Variants in DTD1 observed in about 807,000 individuals in gnomAD.
The protein encoded by DTD1 is D-tyrosyl-tRNA deacylase 1 homolog.
DTD1 carries 13 observed loss-of-function variants against 25.6 expected under a neutral mutation model. The observed-to-expected ratio is 0.51, with a 90% CI of 0.33 to 0.81. The LOEUF (loss-of-function observed/expected upper bound fraction) is 0.81. Among genes scored for constraint, DTD1 ranks in the 30% least tolerant of loss-of-function variants. The pLI is 0.02. For missense variants in DTD1, 193 were observed against 266.4 expected, an observed-to-expected ratio of 0.72 and a Z score of 1.92; for synonymous variants, 110 against 103.6, an observed-to-expected ratio of 1.06 and a Z score of -0.37.
rs116524489 is a variant in DTD1 at position 18,732,674 on chromosome 20, G to A, written c.478-11426G>A. 3.5e-3 allele frequency among the ~76,000 whole-genome samples: 530 copies of A among 152,346 alleles called. 2 individuals are homozygous for A. The highest frequency in any genetic ancestry group is 0.012 in the African/African-American group (498 of 41,578). ...AGTCGATACCTTGTTCCCCAGTAGG[G>A]TTAGGGAATGGACAGCAACATAATA... On this transcript the variant is annotated intron_variant, in intron 4 of 5. Transcript: ENST00000377452.
At chr20:18,608,254 CT>C (rs915557991) in intron 3 of DTD1, among the ~76,000 whole-genome samples, 10 of 147,168 alleles carry the variant, frequency 6.8e-5, no homozygotes, top group African/African-American at 1.7e-4. Context: ...TTTGTGTCCT[CT>C]TTTTTTTTTC....
chr20:18,707,773 T>A (rs1257131088), intron 4 of DTD1, among the ~76,000 whole-genome samples: 6 of 151,822 alleles, frequency 4.0e-5, no homozygotes, highest in African/African-American at 1.2e-4. Flanking sequence ...ACACACACAC[T>A]CACACACTCT....
chr20:18,736,501 G>T (rs1406061968), intron 4 of DTD1, among the ~76,000 whole-genome samples: 2 of 152,248 alleles, frequency 1.3e-5, no homozygotes, highest in Non-Finnish European at 2.9e-5. Context: ...CTTTCAAGGT[G>T]CTTCATGAGT....
chr20:18,635,839 G>A (rs138116649), intron 4 of DTD1, among the ~76,000 whole-genome samples: 1 of 152,294 alleles, frequency 6.6e-6, no homozygotes, highest in Non-Finnish European at 1.5e-5. Context: ...TTAATCAATT[G>A]ACTTTCACCT....
At chr20:18,619,320 G>T (rs1320862070) in intron 3 of DTD1, among the ~76,000 whole-genome samples, 1 of 152,172 alleles carries the variant, frequency 6.6e-6, no homozygotes, top group East Asian at 1.9e-4. Flanking sequence ...TCAATTTTTT[G>T]AAATGTCTGC....
rs943454912 is a variant in DTD1 at position 18,763,408 on chromosome 20, G to C, written c.*68G>C. 1 of 152,794 alleles carries C rather than the reference G, an allele frequency of 6.5e-6. No homozygotes were observed. Among genetic ancestry groups the C allele is most frequent in the African/African-American group, 2.4e-5 (1 of 41,578 alleles). 9.5% of individuals were successfully genotyped at this position (152,794 alleles called of 1,614,324 possible). On this transcript the variant is annotated 3_prime_UTR_variant, in exon 6 of 6. Coordinates refer to ENST00000377452, the MANE Select transcript of DTD1 (RefSeq NM_080820.6). ...GATCCTGAAAAATTCAAGATGCTAA[G>C]CACCTACACTACTTTAAGAATTTGG...
chr20:18,753,621 A>AAAAAAAAG (rs1839623312), intron 5 of DTD1, among the ~76,000 whole-genome samples: 1 of 150,950 alleles, frequency 6.6e-6, no homozygotes, highest in Non-Finnish European at 1.5e-5. Flanking sequence ...AAAAAAAAAA[A>AAAAAAAAG]AGACGTTGAT....
At chr20:18,693,384 CG>C (rs1240821643) in intron 4 of DTD1, among the ~76,000 whole-genome samples, 2 of 151,888 alleles carry the variant, frequency 1.3e-5, no homozygotes, top group Non-Finnish European at 2.9e-5. Context: ...GGGCCAGGTG[CG>C]GTGGCTCATG....
intron 4 of DTD1, among the ~76,000 whole-genome samples, chr20:18,729,775 C>T (rs1002306760): frequency 6.6e-6 from 1 of 152,230 alleles, no homozygotes; most frequent in African/African-American, 2.4e-5. Context: ...AGAAGCAGAG[C>T]GACTTCCATA....
chr20:18,633,646 T>A (rs958175304), intron 4 of DTD1, among the ~76,000 whole-genome samples: 4 of 152,164 alleles, frequency 2.6e-5, no homozygotes, highest in African/African-American at 9.7e-5. Context: ...CTCAGCCGAG[T>A]GGGCCTCCCA....
intron 4 of DTD1, among the ~76,000 whole-genome samples, chr20:18,636,589 C>T (rs2060808286): frequency 6.6e-6 from 1 of 152,126 alleles, no homozygotes; most frequent in Admixed American, 6.5e-5. Flanking sequence ...AGGTAGTTAT[C>T]TTTTTTAATC....
chr20:18,599,808 T>C (rs985879054), intron 3 of DTD1, among the ~76,000 whole-genome samples: 1 of 152,246 alleles, frequency 6.6e-6, no homozygotes, highest in African/African-American at 2.4e-5. Context: ...ACTATCTGTA[T>C]ATCATCTTTG....
intron 4 of DTD1, among the ~76,000 whole-genome samples, chr20:18,648,177 G>A (rs1369454658): frequency 1.3e-5 from 2 of 152,182 alleles, no homozygotes; most frequent in Non-Finnish European, 2.9e-5. Flanking sequence ...GATACCATGG[G>A]AGGCCTTGCT....
intron 4 of DTD1, chr20:18,632,029 C>A: frequency 1.2e-6 from 1 of 847,218 alleles, no homozygotes; most frequent in Non-Finnish European, 1.4e-6. Context: ...TTTAGGAATT[C>A]TCAGCACACA....
At position 18,631,251 on chromosome 20, in the gene DTD1, A is replaced by T. The variant is rs2060786423; in HGVS notation, c.477+3018A>T. 5 of 985,092 alleles carry T rather than the reference A, an allele frequency of 5.1e-6. No individual in the cohort carries two copies. The South Asian group carries it at 1.9e-4, about 37-fold the overall frequency. 61.0% of individuals were successfully genotyped at this position (985,092 alleles called of 1,614,324 possible). ...TACATAATTTGAGAGGCCCAGTGTA[A>T]AATGAAAATGTGGGGCCCCTTGTTC... is the stretch of plus-strand genomic sequence containing the variant. On this transcript the variant is annotated intron_variant, in intron 4 of 5. Transcript: ENST00000377452.
intron 4 of DTD1, among the ~76,000 whole-genome samples, chr20:18,636,874 C>T (rs1051827056): frequency 2.0e-4 from 30 of 152,162 alleles, no homozygotes; most frequent in East Asian, 3.9e-4. Flanking sequence ...GTTCCTCAAA[C>T]GGCAGACTGA....
At chr20:18,710,986 C>T (rs918334953) in intron 4 of DTD1, among the ~76,000 whole-genome samples, 11 of 152,138 alleles carry the variant, frequency 7.2e-5, no homozygotes, top group South Asian at 2.1e-4. Flanking sequence ...TTGAATTTTT[C>T]GTGAAGTTAC....
intron 3 of DTD1, among the ~76,000 whole-genome samples, chr20:18,599,509 A>G (rs934926403): frequency 1.4e-4 from 22 of 152,302 alleles, no homozygotes; most frequent in African/African-American, 5.1e-4. Context: ...TTGTATGTAT[A>G]TAAGTTTTCA....
chr20:18,732,061 T>C (rs2061240573), intron 4 of DTD1, among the ~76,000 whole-genome samples: 1 of 152,234 alleles, frequency 6.6e-6, no homozygotes. Flanking sequence ...TGTCTACTGC[T>C]CTTCTAGGTT....
Sources: allele counts gnomAD v4.1 joint callset (sites outside exome capture counted in the v4.1 genomes callset), GRCh38; gene constraint gnomAD v4.1.1; transcripts MANE v1.5; gene names NCBI Gene and HGNC (gene_info 2026-07-23, HGNC 2026-07-21).